GRID1: variants seen among roughly 807,000 people sequenced by gnomAD.
GRID1 encodes glutamate ionotropic receptor delta type subunit 1, also known as glutamate receptor ionotropic, delta-1.
In GRID1, 28 loss-of-function variants were observed where a neutral mutation model predicts 98.0. That is an observed-to-expected ratio of 0.29 (90% CI 0.21 to 0.39). GRID1 has a LOEUF of 0.39. GRID1 is among the 10% of genes least tolerant of loss of function. The pLI, the probability that GRID1 is intolerant of heterozygous loss-of-function variation, is 1.00. For missense variants in GRID1, 1,111 were observed against 1,340.5 expected (o/e 0.83, Z 2.67); for synonymous variants, 553 against 538.5 (o/e 1.03, Z -0.37).
chr10:86,285,461 G>T (rs902149615), intron 2 of GRID1, among the ~76,000 whole-genome samples: 6 of 152,206 alleles, frequency 3.9e-5, no homozygotes, highest in African/African-American at 1.4e-4. Flanking sequence ...AACAAAAGGC[G>T]CAGCTTCTCA....
At chr10:85,804,147 A>C (rs184658892) in intron 8 of GRID1, among the ~76,000 whole-genome samples, 1 of 151,876 alleles carries the variant, frequency 6.6e-6, no homozygotes, top group East Asian at 1.9e-4. Context: ...CTAGTTAAGG[A>C]AGAAAAAAAT....
chr10:86,266,847 T>C (rs1230516569), intron 2 of GRID1, among the ~76,000 whole-genome samples: 17 of 152,188 alleles, frequency 1.1e-4, no homozygotes, highest in Admixed American at 1.1e-3. Flanking sequence ...TGCCGGGCTA[T>C]AGGATTGGGT....
chr10:85,815,678 A>G (rs1842710337), intron 8 of GRID1, among the ~76,000 whole-genome samples: 1 of 152,030 alleles, frequency 6.6e-6, no homozygotes, highest in Non-Finnish European at 1.5e-5. Flanking sequence ...GAAGGTTTAC[A>G]TATGACACCA....
At chr10:86,029,553 T>C (rs909847319) in intron 4 of GRID1, among the ~76,000 whole-genome samples, 14 of 152,216 alleles carry the variant, frequency 9.2e-5, no homozygotes, top group Non-Finnish European at 2.9e-5. Flanking sequence ...TGTCCCATCA[T>C]AATTTGTTTT....
At chr10:85,635,840 A>T (rs1170213412) in intron 13 of GRID1, among the ~76,000 whole-genome samples, 1 of 152,256 alleles carries the variant, frequency 6.6e-6, no homozygotes, top group East Asian at 1.9e-4. Flanking sequence ...AGGCAGAGAA[A>T]GAGACTGGTG....
intron 3 of GRID1, among the ~76,000 whole-genome samples, chr10:86,198,006 T>C (rs577709783): frequency 6.6e-6 from 1 of 152,220 alleles, no homozygotes; most frequent in South Asian, 2.1e-4. Flanking sequence ...TGATCCAATG[T>C]GTATTATTAA....
chr10:86,296,391 G>C (rs762467843), intron 2 of GRID1, among the ~76,000 whole-genome samples: 1 of 152,118 alleles, frequency 6.6e-6, no homozygotes, highest in Non-Finnish European at 1.5e-5. Context: ...TTCCTCCTTT[G>C]TTTTCTTTTT....
intron 2 of GRID1, among the ~76,000 whole-genome samples, chr10:86,248,621 T>C (rs1846771313): frequency 6.8e-6 from 1 of 146,276 alleles, no homozygotes; most frequent in Non-Finnish European, 1.5e-5. Flanking sequence ...TCTGTTGCCC[T>C]GGCTGCAGCG....
At chr10:85,926,641 G>A (rs576996064) in intron 4 of GRID1, among the ~76,000 whole-genome samples, 13 of 152,142 alleles carry the variant, frequency 8.5e-5, no homozygotes, top group Admixed American at 2.0e-4. Context: ...CCTGCCCAAC[G>A]CCCACCCCAT....
chr10:85,716,230 C>T (rs11528413), intron 12 of GRID1, among the ~76,000 whole-genome samples: 9,144 of 152,154 alleles, frequency 0.06, 526 homozygotes, highest in African/African-American at 0.15. Flanking sequence ...TTTTTATCTG[C>T]AAATAATTGG....
chr10:86,324,927 T>A (rs558721588), intron 2 of GRID1, among the ~76,000 whole-genome samples: 2 of 152,036 alleles, frequency 1.3e-5, no homozygotes, highest in African/African-American at 4.8e-5. Context: ...AAAGGGGCTG[T>A]TTATCAGACA....
chr10:85,794,508 T>A (rs1319178355), intron 8 of GRID1, among the ~76,000 whole-genome samples: 5 of 152,108 alleles, frequency 3.3e-5, no homozygotes, highest in Admixed American at 3.3e-4. Context: ...ATTAAATGGA[T>A]CTTCACAGAG....
At chr10:86,147,471 T>A (rs964357954) in intron 3 of GRID1, among the ~76,000 whole-genome samples, 1 of 152,148 alleles carries the variant, frequency 6.6e-6, no homozygotes, top group Non-Finnish European at 1.5e-5. Context: ...CAAAACAGCA[T>A]GGTGCTGGTA....
At chr10:86,233,540 G>A (rs749262011) in intron 2 of GRID1, among the ~76,000 whole-genome samples, 127 of 152,232 alleles carry the variant, frequency 8.3e-4, no homozygotes, top group Non-Finnish European at 1.3e-3. Flanking sequence ...GGGAGCTGCC[G>A]GAGGGGATGG....
intron 12 of GRID1, among the ~76,000 whole-genome samples, chr10:85,702,663 A>T (rs1841465604): frequency 2.0e-5 from 3 of 152,070 alleles, no homozygotes; most frequent in African/African-American, 7.2e-5. Flanking sequence ...ACTACAAAGG[A>T]GAAAGCACAA....
Position 85,756,754 on chromosome 10 carries a change from A to G in GRID1, c.1234-27140T>C, listed in dbSNP as rs921557509. ...ACCATGAAAACTGAAACCGCAAATA[A>G]GGGAATACTACTGTATAGACACAGG... is the stretch of plus-strand genomic sequence containing the variant. On this transcript the variant is annotated intron_variant, in intron 8 of 15. Coordinates refer to ENST00000327946, the MANE Select transcript of GRID1 (RefSeq NM_017551.3). Among the ~76,000 whole-genome samples, 29 of 152,224 alleles carry G rather than the reference A, an allele frequency of 1.9e-4. 1 individual carries two copies. Among genetic ancestry groups the G allele is most frequent in the Non-Finnish European group, 7.3e-5 (5 of 68,034 alleles).
intron 4 of GRID1, among the ~76,000 whole-genome samples, chr10:86,136,991 C>G (rs531176364): frequency 2.7e-4 from 40 of 147,280 alleles, no homozygotes; most frequent in Non-Finnish European, 5.6e-4. Context: ...AATGGTCTGA[C>G]AAAAAAAAAA....
chr10:86,223,431 T>C (rs759992050), intron 2 of GRID1, among the ~76,000 whole-genome samples: 9 of 152,174 alleles, frequency 5.9e-5, no homozygotes, highest in Non-Finnish European at 1.2e-4. Context: ...CTGGCACGCA[T>C]GCAGGCACAC....
chr10:85,718,640 C>T (rs1484577509), intron 12 of GRID1, among the ~76,000 whole-genome samples: 4 of 152,224 alleles, frequency 2.6e-5, no homozygotes, highest in Non-Finnish European at 5.9e-5. Context: ...CCCTTTCAGC[C>T]ATGGTGGGAG....
Sources: gnomAD v4.1 joint callset for allele counts (sites outside exome capture counted in the v4.1 genomes callset) on GRCh38, gnomAD v4.1.1 for gene constraint, MANE v1.5 for transcripts, NCBI Gene and HGNC (gene_info 2026-07-23, HGNC 2026-07-21) for gene names.